Variants in KDM4C observed in about 807,000 individuals in gnomAD.
The protein encoded by KDM4C is lysine demethylase 4C.
KDM4C carries 81 observed loss-of-function variants against 129.3 expected under a neutral mutation model. The observed-to-expected ratio is 0.63, with a 90% CI of 0.52 to 0.75. The LOEUF (loss-of-function observed/expected upper bound fraction) is 0.75. KDM4C is among the 30% of genes least tolerant of loss of function. The probability of loss-of-function intolerance (pLI) is 0.00; values close to 1 mark genes in which losing one functional copy is unlikely to be tolerated. For synonymous variants in KDM4C, 573 were observed against 456.1 expected (o/e 1.26, Z -3.26); for missense variants, 1,457 against 1,304.0 (o/e 1.12, Z -1.81).
chr9:6,966,770 C>T (rs1428466515), intron 8 of KDM4C, among the ~76,000 whole-genome samples: 1 of 152,146 alleles, frequency 6.6e-6, no homozygotes, highest in Non-Finnish European at 1.5e-5. Context: ...CCTTGAACCT[C>T]ACCATACACA....
chr9:7,147,909 C>T (rs926557515), intron 19 of KDM4C, among the ~76,000 whole-genome samples: 7 of 152,208 alleles, frequency 4.6e-5, no homozygotes, highest in Admixed American at 2.0e-4. Flanking sequence ...TGCTCATGCC[C>T]GCTAGGCTCG....
At chr9:7,072,263 A>G (rs372063940) in intron 17 of KDM4C, among the ~76,000 whole-genome samples, 6 of 152,204 alleles carry the variant, frequency 3.9e-5, no homozygotes, top group African/African-American at 1.2e-4. Context: ...ATAAAATTAA[A>G]CTTACAATTT....
At chr9:6,889,573 C>T (rs2130864744) in intron 7 of KDM4C, among the ~76,000 whole-genome samples, 1 of 152,264 alleles carries the variant, frequency 6.6e-6, no homozygotes, top group African/African-American at 2.4e-5. Flanking sequence ...TTTGTCCCAT[C>T]TGCAGACACC....
chr9:6,802,940 G>T (rs1260282675), intron 2 of KDM4C, among the ~76,000 whole-genome samples: 1 of 152,220 alleles, frequency 6.6e-6, no homozygotes, highest in Non-Finnish European at 1.5e-5. Context: ...CAAAATATGA[G>T]TGAAGTATAA....
chr9:7,108,495 C>T (rs1837955754), intron 18 of KDM4C, among the ~76,000 whole-genome samples: 1 of 152,148 alleles, frequency 6.6e-6, no homozygotes, highest in South Asian at 2.1e-4. Flanking sequence ...CCTTGGCCTC[C>T]CAAAGTGCTG....
intron 19 of KDM4C, among the ~76,000 whole-genome samples, chr9:7,145,575 C>G (rs920038395): frequency 3.3e-5 from 5 of 152,236 alleles, no homozygotes; most frequent in African/African-American, 1.2e-4. Flanking sequence ...GAGGAGTTTT[C>G]AGATCCATTC....
intron 1 of KDM4C, among the ~76,000 whole-genome samples, chr9:6,775,379 G>A (rs1822794324): frequency 6.6e-6 from 1 of 151,910 alleles, no homozygotes; most frequent in African/African-American, 2.4e-5. Flanking sequence ...TAGTTCCATC[G>A]GGTGAATATA....
chr9:6,832,642 G>T (rs1051491797), intron 4 of KDM4C, among the ~76,000 whole-genome samples: 2 of 150,652 alleles, frequency 1.3e-5, no homozygotes, highest in East Asian at 4.0e-4. Context: ...AGCCAGGATG[G>T]TCTCGATCTC....
chr9:6,820,664 G>A (rs1588493909), intron 4 of KDM4C, among the ~76,000 whole-genome samples: 1 of 151,898 alleles, frequency 6.6e-6, no homozygotes, highest in Admixed American at 6.6e-5. Context: ...ACAGAAGAGG[G>A]AGAGGGCCTG....
At chr9:6,909,773 T>C (rs1025996333) in intron 8 of KDM4C, among the ~76,000 whole-genome samples, 1 of 152,186 alleles carries the variant, frequency 6.6e-6, no homozygotes, top group Non-Finnish European at 1.5e-5. Context: ...AAATTTGGAT[T>C]TCTGTCCCGC....
At chr9:7,074,701 T>C (rs1436747793) in intron 17 of KDM4C, among the ~76,000 whole-genome samples, 1 of 152,220 alleles carries the variant, frequency 6.6e-6, no homozygotes, top group African/African-American at 2.4e-5. Flanking sequence ...ATTTGCAGTT[T>C]TCATTACTTG....
chr9:6,939,705 C>T (rs1327560389), intron 8 of KDM4C, among the ~76,000 whole-genome samples: 1 of 152,146 alleles, frequency 6.6e-6, no homozygotes, highest in African/African-American at 2.4e-5. Context: ...AGGCAGCAGT[C>T]TGTTTCTAAT....
At chr9:7,103,981 A>T (rs1837399698) in intron 18 of KDM4C, 111 bp downstream of exon 18, 1 of 946,296 alleles carries the variant, frequency 1.1e-6, no homozygotes, top group Admixed American at 2.3e-5. Context: ...CTCATTGTTG[A>T]CATGTCTAGA....
At chr9:6,927,862 G>T (rs1333954151) in intron 8 of KDM4C, among the ~76,000 whole-genome samples, 1 of 152,048 alleles carries the variant, frequency 6.6e-6, no homozygotes, top group Non-Finnish European at 1.5e-5. Flanking sequence ...ATTTTGATCT[G>T]GCTGTTCCAC....
chr9:7,012,558 C>T (rs1822902803), intron 13 of KDM4C, among the ~76,000 whole-genome samples: 1 of 152,116 alleles, frequency 6.6e-6, no homozygotes, highest in Non-Finnish European at 1.5e-5. Context: ...TTTTCACCTT[C>T]CCATGTGGAA....
chr9:6,852,092 G>T (rs373386510), intron 5 of KDM4C, among the ~76,000 whole-genome samples: 9 of 152,220 alleles, frequency 5.9e-5, no homozygotes, highest in South Asian at 2.1e-4. Flanking sequence ...AACTACTGTA[G>T]GAAGAGAGTG....
intron 8 of KDM4C, among the ~76,000 whole-genome samples, chr9:6,940,640 G>T (rs529541936): frequency 1.3e-5 from 2 of 151,936 alleles, no homozygotes; most frequent in Non-Finnish European, 2.9e-5. Context: ...GAAAAAAAAC[G>T]TAGCCACCAT....
At chr9:6,797,751 T>C (rs910442593) in intron 2 of KDM4C, among the ~76,000 whole-genome samples, 1 of 152,230 alleles carries the variant, frequency 6.6e-6, no homozygotes, top group Non-Finnish European at 1.5e-5. Flanking sequence ...CTCTTTCTCT[T>C]CCTCCTCCTT....
Position 7,165,275 on chromosome 9 carries a change from G to C in KDM4C, c.2819G>C (p.Gly940Ala). Residue 940 changes from glycine to alanine, a missense_variant, in exon 20 of 22, where the codon GGA (glycine) becomes GCA (alanine). Coordinates refer to ENST00000381309, the MANE Select transcript of KDM4C (RefSeq NM_015061.6). ...CTGAAGCTGGGCCCACCTGCTGAGG[G>C]AGAAGTCGTCCAAGTCAAGTGGCCC... is the stretch of plus-strand genomic sequence containing the variant. ...DCLKLGPPAE[G>A]EVVQVKWPDG... 1 of 1,614,164 alleles carries C rather than the reference G, an allele frequency of 6.2e-7. No individual in the cohort carries two copies. The highest frequency in any genetic ancestry group is 8.5e-7 in the Non-Finnish European group (1 of 1,180,014).
Sources: allele counts gnomAD v4.1 joint callset (sites outside exome capture counted in the v4.1 genomes callset), GRCh38; gene constraint gnomAD v4.1.1; transcripts MANE v1.5; gene names NCBI Gene and HGNC (gene_info 2026-07-23, HGNC 2026-07-21).